The following PDK1 variants were observed in gnomAD, a reference collection of about 807,000 sequenced individuals.
The protein encoded by PDK1 is [Pyruvate dehydrogenase (acetyl-transferring)] kinase isozyme 1, mitochondrial.
In PDK1, 39 loss-of-function variants were observed where a neutral mutation model predicts 54.2. That is an observed-to-expected ratio of 0.72 (90% CI 0.56 to 0.94). The LOEUF (loss-of-function observed/expected upper bound fraction) is 0.94. PDK1 is among the 40% of genes least tolerant of loss of function. The pLI, the probability that PDK1 is intolerant of heterozygous loss-of-function variation, is 0.00. For missense variants in PDK1, 552 were observed against 566.0 expected (o/e 0.98, Z 0.25); for synonymous variants, 221 against 207.1 (o/e 1.07, Z -0.58).
chr2:172,693,114 C>A, the PDK1 span, among the ~76,000 whole-genome samples: 10 of 152,328 alleles, frequency 6.6e-5, no homozygotes, highest in Middle Eastern at 3.4e-3. Flanking sequence ...GAGCCTCTTC[C>A]CTTGCACCAA....
chr2:172,583,015 C>A (rs1182118097), intron 8 of PDK1, among the ~76,000 whole-genome samples: 1 of 152,138 alleles, frequency 6.6e-6, no homozygotes, highest in Non-Finnish European at 1.5e-5. Flanking sequence ...TTAAGGAAAA[C>A]CAGGAAATAT....
At chr2:172,647,974 A>G in the PDK1 span, among the ~76,000 whole-genome samples, 19,545 of 152,266 alleles carry the variant, frequency 0.13, 1,546 homozygotes, top group South Asian at 0.23. Context: ...TTTTGATCTA[A>G]TCATGAGAAA....
At chr2:172,695,725 A>T in the PDK1 span, among the ~76,000 whole-genome samples, 3 of 152,192 alleles carry the variant, frequency 2.0e-5, no homozygotes, top group Admixed American at 6.5e-5. Flanking sequence ...GGGAAAAGAC[A>T]GGTGGCAAGG....
At chr2:172,667,364 G>A in the PDK1 span, among the ~76,000 whole-genome samples, 1 of 152,178 alleles carries the variant, frequency 6.6e-6, no homozygotes, top group Non-Finnish European at 1.5e-5. Context: ...CTGGGGCAAT[G>A]GGGCTGTCCC....
chr2:172,567,829 T>C (rs989806761), intron 6 of PDK1, among the ~76,000 whole-genome samples: 1 of 152,256 alleles, frequency 6.6e-6, no homozygotes, highest in Non-Finnish European at 1.5e-5. Context: ...TAAGATATCA[T>C]GAGTCTTAAT....
downstream of PDK1, among the ~76,000 whole-genome samples, chr2:172,613,065 A>G (rs1691512409): frequency 6.6e-6 from 1 of 152,254 alleles, no homozygotes; most frequent in Non-Finnish European, 1.5e-5. Context: ...TTGGAGGGTA[A>G]CGAAACAATT....
chr2:172,573,102 T>G (rs1019327505), intron 8 of PDK1, among the ~76,000 whole-genome samples: 1 of 152,228 alleles, frequency 6.6e-6, no homozygotes, highest in African/African-American at 2.4e-5. Flanking sequence ...AGTTATCTTA[T>G]GTATATACCT....
the PDK1 span, among the ~76,000 whole-genome samples, chr2:172,669,101 C>G: frequency 0.089 from 12,644 of 142,044 alleles, 1,505 homozygotes; most frequent in African/African-American, 0.28. Context: ...GCTCTGTCGC[C>G]CAGGCTGGAG....
the PDK1 span, among the ~76,000 whole-genome samples, chr2:172,696,002 G>A: frequency 4.6e-5 from 7 of 151,686 alleles, no homozygotes; most frequent in South Asian, 2.1e-4. Context: ...GTGAAACCCC[G>A]TCTCTACTAA....
At chr2:172,691,598 C>A in the PDK1 span, among the ~76,000 whole-genome samples, 2 of 152,350 alleles carry the variant, frequency 1.3e-5, no homozygotes, top group African/African-American at 4.8e-5. Flanking sequence ...CCCCTGGCAA[C>A]CACTGATCGT....
intron 6 of PDK1, 79 bp from the exon 7 acceptor site, chr2:172,568,662 C>A: frequency 1.2e-6 from 1 of 858,180 alleles, no homozygotes; most frequent in Non-Finnish European, 2.0e-6. Context: ...GTTTTCTTTT[C>A]ATCACTACAC....
At chr2:172,651,611 C>T in the PDK1 span, among the ~76,000 whole-genome samples, 2,376 of 152,054 alleles carry the variant, frequency 0.016, 18 homozygotes, top group Non-Finnish European at 0.025. Context: ...ATCAAATAGA[C>T]GCAATAAAAA....
the PDK1 span, among the ~76,000 whole-genome samples, chr2:172,621,370 C>A: frequency 2.0e-5 from 3 of 151,990 alleles, no homozygotes; most frequent in Non-Finnish European, 4.4e-5. Context: ...AGCCTCTCAG[C>A]CTACATCTTT....
At chr2:172,560,598 A>G (rs1688606024) in intron 2 of PDK1, among the ~76,000 whole-genome samples, 1 of 152,246 alleles carries the variant, frequency 6.6e-6, no homozygotes, top group South Asian at 2.1e-4. Flanking sequence ...TGCTATAGTC[A>G]GAATGATGAA....
chr2:172,617,189 G>A, the PDK1 span, among the ~76,000 whole-genome samples: 1 of 152,084 alleles, frequency 6.6e-6, no homozygotes, highest in African/African-American at 2.4e-5. Flanking sequence ...CTGACCTCAA[G>A]TCATCTGCCC....
chr2:172,581,881 C>T (rs1689928769), intron 8 of PDK1, among the ~76,000 whole-genome samples: 1 of 152,130 alleles, frequency 6.6e-6, no homozygotes, highest in Admixed American at 6.6e-5. Flanking sequence ...CTATAAATAA[C>T]CTATGTGTTA....
At chr2:172,661,664 A>T in the PDK1 span, among the ~76,000 whole-genome samples, 995 of 152,368 alleles carry the variant, frequency 6.5e-3, 9 homozygotes, top group African/African-American at 0.022. Flanking sequence ...AGCAACATGG[A>T]TGCAGCTGGA....
chr2:172,571,033 G>A (rs528660389), intron 8 of PDK1, among the ~76,000 whole-genome samples: 4 of 152,210 alleles, frequency 2.6e-5, no homozygotes, highest in South Asian at 2.1e-4. Context: ...GTCCCCCGTC[G>A]AGGTGATTCA....
the PDK1 span, among the ~76,000 whole-genome samples, chr2:172,671,270 A>G: frequency 5.9e-5 from 9 of 151,480 alleles, no homozygotes; most frequent in Admixed American, 5.9e-4. Context: ...CTCATCAACC[A>G]CTAAGACCCG....
Sources: gnomAD v4.1 joint callset for allele counts (sites outside exome capture counted in the v4.1 genomes callset) on GRCh38, gnomAD v4.1.1 for gene constraint, MANE v1.5 for transcripts, NCBI Gene and HGNC (gene_info 2026-07-23, HGNC 2026-07-21) for gene names.